Variants in PTPRK observed in about 807,000 individuals in gnomAD.
The protein encoded by PTPRK is receptor-type tyrosine-protein phosphatase kappa.
Under a neutral mutation model 178.0 loss-of-function variants are expected in PTPRK, and 75 were observed. That is an observed-to-expected ratio of 0.42 (90% CI 0.35 to 0.51). The LOEUF (loss-of-function observed/expected upper bound fraction) is 0.51. PTPRK is among the 20% of genes least tolerant of loss of function. The pLI, the probability that PTPRK is intolerant of heterozygous loss-of-function variation, is 0.02. For synonymous variants in PTPRK, 637 were observed against 620.6 expected (o/e 1.03, Z -0.39); for missense variants, 1,441 against 1,797.8 (o/e 0.80, Z 3.59).
At chr6:128,183,779 TTATA>T (rs1802311659) in intron 7 of PTPRK, among the ~76,000 whole-genome samples, 1 of 125,094 alleles carries the variant, frequency 8.0e-6, no homozygotes, top group Non-Finnish European at 1.7e-5. Context: ...GGATGTGTGG[TTATA>T]TACAATTTTT....
intron 3 of PTPRK, among the ~76,000 whole-genome samples, chr6:128,296,856 T>A (rs1327645449): frequency 6.6e-6 from 1 of 152,006 alleles, no homozygotes; most frequent in Non-Finnish European, 1.5e-5. Flanking sequence ...AATGACAGGA[T>A]CAAATTCACA....
chr6:128,192,570 A>G (rs1034903051), intron 6 of PTPRK, among the ~76,000 whole-genome samples: 3 of 152,088 alleles, frequency 2.0e-5, no homozygotes, highest in African/African-American at 7.2e-5. Flanking sequence ...CTGTAATCCT[A>G]GCATTTTAGG....
intron 14 of PTPRK, chr6:128,008,206 A>G (rs549555980): frequency 1.1e-4 from 48 of 441,882 alleles, no homozygotes; most frequent in African/African-American, 9.6e-4. Context: ...TAAAATAACT[A>G]TAATAGTAAA....
chr6:128,317,970 A>C (rs546136701), intron 3 of PTPRK, among the ~76,000 whole-genome samples: 208 of 152,298 alleles, frequency 1.4e-3, no homozygotes, highest in Non-Finnish European at 2.4e-3. Flanking sequence ...CAATATCCAC[A>C]ACACTGCTAT....
chr6:128,095,293 C>T (rs921356361), intron 7 of PTPRK, among the ~76,000 whole-genome samples: 10 of 152,278 alleles, frequency 6.6e-5, no homozygotes, highest in African/African-American at 2.4e-4. Context: ...TACATTTATA[C>T]ATTTATAAAT....
rs1839257682 is a variant in PTPRK, at chr6:128,389,503, A to G, written c.223+8063T>C. Among the ~76,000 whole-genome samples the G allele has an allele frequency of 2.0e-5, 3 of 150,692 alleles. No individual in the cohort carries two copies. The South Asian group carries it at 6.3e-4, about 32-fold the overall frequency. ...AGATAATAAGCTTTTAAACTGAGAT[A>G]GTACCTACCTATCTTGAGTCAAGTT... On this transcript the variant is annotated intron_variant, in intron 2 of 29. Transcript: ENST00000368226.
chr6:128,480,439 G>A (rs191555562), intron 1 of PTPRK, among the ~76,000 whole-genome samples: 4 of 151,962 alleles, frequency 2.6e-5, no homozygotes, highest in East Asian at 1.9e-4. Context: ...ATCAACATTC[G>A]TCCTGTCTAA....
chr6:128,250,163 T>C (rs140673359), intron 3 of PTPRK, among the ~76,000 whole-genome samples: 1 of 152,322 alleles, frequency 6.6e-6, no homozygotes, highest in African/African-American at 2.4e-5. Flanking sequence ...TGTGAATCTA[T>C]CAAACCTATT....
intron 11 of PTPRK, among the ~76,000 whole-genome samples, chr6:128,075,729 T>G (rs1161483982): frequency 6.6e-6 from 1 of 152,078 alleles, no homozygotes. Context: ...GCTTTCCTAA[T>G]AAAACTAAAC....
chr6:128,179,665 G>T (rs1268879049), intron 7 of PTPRK, among the ~76,000 whole-genome samples: 1 of 152,048 alleles, frequency 6.6e-6, no homozygotes, highest in East Asian at 1.9e-4. Context: ...TCTTAGAAGA[G>T]TTGTTTATTT....
chr6:128,147,458 C>T (rs1583217232), intron 7 of PTPRK, among the ~76,000 whole-genome samples: 1 of 152,098 alleles, frequency 6.6e-6, no homozygotes, highest in African/African-American at 2.4e-5. Context: ...ATCAGTGTCT[C>T]TCTTCCATGG....
intron 1 of PTPRK, among the ~76,000 whole-genome samples, chr6:128,432,015 GAGAA>G (rs1158556557): frequency 2.6e-5 from 4 of 152,122 alleles, no homozygotes; most frequent in Admixed American, 2.0e-4. Context: ...AGTGAGGGAA[GAGAA>G]AGGAAGGAAG....
chr6:128,001,218 A>G, intron 15 of PTPRK: 1 of 1,534,286 alleles, frequency 6.5e-7, no homozygotes, highest in Non-Finnish European at 8.8e-7. Context: ...CTTAAACCCA[A>G]TGAAGCAGTA....
chr6:128,264,058 T>A (rs1220349487), intron 3 of PTPRK, among the ~76,000 whole-genome samples: 1 of 152,098 alleles, frequency 6.6e-6, no homozygotes, highest in Non-Finnish European at 1.5e-5. Flanking sequence ...AAAAAAGCCA[T>A]ACCCATCAGT....
chr6:128,379,639 CT>C (rs1481404784), intron 2 of PTPRK, among the ~76,000 whole-genome samples: 4 of 152,172 alleles, frequency 2.6e-5, no homozygotes, highest in African/African-American at 9.7e-5. Flanking sequence ...GCCTCAGTTG[CT>C]TTCTTTTACT....
chr6:128,182,136 T>G (rs978418921), intron 7 of PTPRK, among the ~76,000 whole-genome samples: 6 of 150,678 alleles, frequency 4.0e-5, no homozygotes, highest in African/African-American at 1.5e-4. Flanking sequence ...ACAAATAAAC[T>G]TAATACTGTT....
intron 1 of PTPRK, among the ~76,000 whole-genome samples, chr6:128,426,730 T>A (rs375533844): frequency 2.6e-5 from 4 of 152,362 alleles, no homozygotes; most frequent in Non-Finnish European, 4.4e-5. Flanking sequence ...CTATAACCCA[T>A]GTTTTGGCGG....
intron 2 of PTPRK, among the ~76,000 whole-genome samples, chr6:128,395,629 A>G (rs1840199591): frequency 6.6e-6 from 1 of 152,178 alleles, no homozygotes; most frequent in African/African-American, 2.4e-5. Context: ...GAGAAAATTC[A>G]GGTGAAAAAT....
rs567582284 is a variant in PTPRK at position 128,144,739 on chromosome 6, T to C, written c.1162+39693A>G. ...TACTACTGAGTTCTCAGTATTTAAA[T>C]TATACTTGCCACAAAGTAGGTATTT... On this transcript the variant is annotated intron_variant, in intron 7 of 29. Coordinates refer to ENST00000368226, the MANE Select transcript of PTPRK (RefSeq NM_002844.4). Among the ~76,000 whole-genome samples, 3 of 152,296 alleles carry C rather than the reference T, an allele frequency of 2.0e-5. No homozygotes were observed. The East Asian group carries it at 5.8e-4, about 29-fold the overall frequency.
Sources: allele counts gnomAD v4.1 joint callset (sites outside exome capture counted in the v4.1 genomes callset), GRCh38; gene constraint gnomAD v4.1.1; transcripts MANE v1.5; gene names NCBI Gene and HGNC (gene_info 2026-07-23, HGNC 2026-07-21).